Variants in CCAR1 observed in about 807,000 individuals in gnomAD.
The protein encoded by CCAR1 is cell division cycle and apoptosis regulator 1.
CCAR1 carries 78 observed loss-of-function variants against 163.8 expected under a neutral mutation model. The observed-to-expected ratio is 0.48, with a 90% CI of 0.40 to 0.57. CCAR1 has a LOEUF of 0.57. Ranked by LOEUF, CCAR1 falls within the 20% of genes least tolerant of loss-of-function variation. CCAR1 has a pLI of 0.00. For missense variants in CCAR1, 1,019 were observed against 1,365.2 expected, an observed-to-expected ratio of 0.75 and a Z score of 4.00; for synonymous variants, 443 against 460.7, an observed-to-expected ratio of 0.96 and a Z score of 0.49.
intron 10 of CCAR1, among the ~76,000 whole-genome samples, chr10:68,753,171 C>T (rs1006894938): frequency 6.6e-6 from 1 of 151,240 alleles, no homozygotes; most frequent in Non-Finnish European, 1.5e-5. Context: ...TTCAGTTCCT[C>T]TCTTTTAAAA....
intron 10 of CCAR1, among the ~76,000 whole-genome samples, chr10:68,752,516 C>T (rs1012529175): frequency 2.6e-5 from 4 of 152,032 alleles, no homozygotes; most frequent in African/African-American, 9.7e-5. Context: ...TCCTTAAAAA[C>T]AAAACTCAGA....
intron 10 of CCAR1, among the ~76,000 whole-genome samples, chr10:68,753,365 A>G (rs964233331): frequency 3.9e-5 from 6 of 152,186 alleles, no homozygotes; most frequent in African/African-American, 1.4e-4. Flanking sequence ...GGATTTTTGT[A>G]TTTAATTTTG....
chr10:68,774,517 G>C (rs569915152), intron 19 of CCAR1, among the ~76,000 whole-genome samples: 36 of 151,964 alleles, frequency 2.4e-4, no homozygotes, highest in African/African-American at 7.7e-4. Flanking sequence ...TGTAATACCA[G>C]CTTCTGGGGA....
At chr10:68,777,310 C>T (rs1021323449) in intron 19 of CCAR1, among the ~76,000 whole-genome samples, 1 of 152,166 alleles carries the variant, frequency 6.6e-6, no homozygotes, top group Non-Finnish European at 1.5e-5. Context: ...GAATGATCTT[C>T]GCAAAATTTA....
chr10:68,755,304 C>G, intron 12 of CCAR1, 66 bp from the exon 13 acceptor site: 2 of 1,396,016 alleles, frequency 1.4e-6, no homozygotes, highest in Non-Finnish European at 2.0e-6. Flanking sequence ...CTTTCCTTCT[C>G]AAGTATCTTA....
At chr10:68,760,891 AAAC>A (rs1223178935) in intron 15 of CCAR1, 113 bp from the exon 16 acceptor site, 16 of 380,694 alleles carry the variant, frequency 4.2e-5, no homozygotes, top group East Asian at 1.5e-4. Context: ...AAAAAAAAAA[AAAC>A]ACACAAAATA....
chr10:68,788,361 C>G (rs775181682), intron 23 of CCAR1, 33 bp downstream of exon 23: 1 of 1,464,418 alleles, frequency 6.8e-7, no homozygotes, highest in Non-Finnish European at 9.1e-7. Context: ...TTAATACTTT[C>G]AGCACCCTGC....
intron 15 of CCAR1, among the ~76,000 whole-genome samples, chr10:68,760,588 G>C (rs969980363): frequency 2.0e-5 from 3 of 152,180 alleles, no homozygotes; most frequent in Admixed American, 6.6e-5. Context: ...CACACGAAAG[G>C]CTGGGCGTGG....
chr10:68,791,075 A>T (rs191245046), intron 24 of CCAR1, 132 bp from the exon 25 acceptor site: 222 of 484,070 alleles, frequency 4.6e-4, no homozygotes, highest in Non-Finnish European at 7.5e-4. Context: ...ATTTTAAGAT[A>T]CTAAAATTAA....
chr10:68,754,691 A>T (rs367814428), intron 11 of CCAR1, 23 bp from the exon 12 acceptor site: 4 of 1,234,880 alleles, frequency 3.2e-6, no homozygotes, highest in Non-Finnish European at 4.7e-6. Context: ...TTTTGACAGG[A>T]TTGAATTATT....
intron 19 of CCAR1, among the ~76,000 whole-genome samples, chr10:68,781,986 T>C (rs1024018261): frequency 1.3e-5 from 2 of 152,186 alleles, no homozygotes; most frequent in African/African-American, 4.8e-5. Context: ...TTTTTTGGCG[T>C]CAGTTAGCCA....
chr10:68,723,165 A>G (rs552749902), intron 2 of CCAR1, among the ~76,000 whole-genome samples: 1 of 150,348 alleles, frequency 6.7e-6, no homozygotes, highest in African/African-American at 2.4e-5. Context: ...TCTGTCGCCC[A>G]GGCTGGAGTG....
chr10:68,747,797 T>C (rs1212920816), intron 8 of CCAR1, among the ~76,000 whole-genome samples: 1 of 152,210 alleles, frequency 6.6e-6, no homozygotes, highest in Non-Finnish European at 1.5e-5. Flanking sequence ...TTAAATTACT[T>C]ATTAAACCAT....
At chr10:68,786,514 A>G in intron 20 of CCAR1, 32 bp from the exon 21 acceptor site, 2 of 1,504,160 alleles carry the variant, frequency 1.3e-6, no homozygotes, top group Non-Finnish European at 1.8e-6. Flanking sequence ...TGAAATTTGA[A>G]TACTATGTTT....
At position 68,755,551 on chromosome 10, in the gene CCAR1, AT is replaced by A; in HGVS notation, c.1625+18del. Reference sequence around the variant, plus strand: ...TGCACACAATGGTAAGTACTAATTCATTTCTTGATTAGAAGTGTTTTACTGA... The same window carrying A: ...TGCACACAATGGTAAGTACTAATTCATTCTTGATTAGAAGTGTTTTACTGA... On this transcript the variant is annotated intron_variant, in intron 13 of 24. Transcript: ENST00000265872. The A allele has an allele frequency of 1.3e-6, 2 of 1,593,198 alleles. No individual in the cohort carries two copies. The highest frequency in any genetic ancestry group is 1.7e-6 in the Non-Finnish European group (2 of 1,166,662).
At chr10:68,731,290 T>C (rs2133309828) in intron 2 of CCAR1, among the ~76,000 whole-genome samples, 1 of 152,342 alleles carries the variant, frequency 6.6e-6, no homozygotes. Context: ...ATAATTCACA[T>C]TGAGTGCAGA....
At chr10:68,777,646 T>C (rs1272886423) in intron 19 of CCAR1, among the ~76,000 whole-genome samples, 1 of 150,980 alleles carries the variant, frequency 6.6e-6, no homozygotes, top group South Asian at 2.1e-4. Flanking sequence ...ATTGCACTAC[T>C]GCACTCCAGC....
At chr10:68,776,648 G>T (rs1271019498) in intron 19 of CCAR1, among the ~76,000 whole-genome samples, 1 of 152,176 alleles carries the variant, frequency 6.6e-6, no homozygotes, top group Non-Finnish European at 1.5e-5. Context: ...GAAACTTCTA[G>T]GCTTAAGCAG....
intron 2 of CCAR1, among the ~76,000 whole-genome samples, chr10:68,723,806 C>G (rs1028672313): frequency 1.3e-5 from 2 of 150,130 alleles, no homozygotes; most frequent in Non-Finnish European, 2.9e-5. Context: ...TGAGATCGCG[C>G]CACTGCACTT....
Sources: allele counts gnomAD v4.1 joint callset (sites outside exome capture counted in the v4.1 genomes callset), GRCh38; gene constraint gnomAD v4.1.1; transcripts MANE v1.5; gene names NCBI Gene and HGNC (gene_info 2026-07-23, HGNC 2026-07-21).